The following ATP10B variants were observed in gnomAD, a reference collection of about 807,000 sequenced individuals.
ATP10B encodes the protein phospholipid-transporting ATPase VB.
ATP10B carries 122 observed loss-of-function variants against 141.2 expected under a neutral mutation model. That is an observed-to-expected ratio of 0.86 (90% CI 0.75 to 1.00). ATP10B has a LOEUF of 1.00. ATP10B is among the 50% of genes least tolerant of loss of function. ATP10B has a pLI of 0.00. For synonymous variants in ATP10B, 685 were observed against 692.0 expected, an observed-to-expected ratio of 0.99 and a Z score of 0.16; for missense variants, 1,876 against 1,825.3, an observed-to-expected ratio of 1.03 and a Z score of -0.51.
chr5:160,907,170 C>T, the ATP10B span, among the ~76,000 whole-genome samples: 5 of 152,142 alleles, frequency 3.3e-5, no homozygotes, highest in Admixed American at 2.0e-4. Context: ...CTTTTATAAT[C>T]TGGTTCTTCG....
Position 160,569,656 on chromosome 5 carries a change from C to G in ATP10B, c.3778G>C (p.Gly1260Arg). 1.3e-6 allele frequency: 2 copies of G among 1,591,962 alleles called. No individual in the cohort carries two copies. The highest frequency in any genetic ancestry group is 2.3e-5 in the East Asian group (1 of 43,740). ...WTIFHGVVLLGSFLMYFLVSL... is the reference protein window; with the variant it reads ...WTIFHGVVLLRSFLMYFLVSL... ...ACCAGAAAGTACATCAGGAAGCTGC[C>G]GAGGAGCACGACTCCGTGGAAAATG... Residue 1260 changes from glycine (G) to arginine (R), a missense_variant, in exon 25 of 26, where the codon GGC (glycine) becomes CGC (arginine). Coordinates refer to ENST00000327245, the MANE Select transcript of ATP10B (RefSeq NM_025153.3).
At chr5:160,853,597 G>A (rs997197964), upstream of ATP10B, among the ~76,000 whole-genome samples, 2 of 152,094 alleles carry the variant, frequency 1.3e-5, no homozygotes, top group Non-Finnish European at 2.9e-5. Context: ...TGCAATTTAG[G>A]AACAAATGTG....
intron 22 of ATP10B, among the ~76,000 whole-genome samples, chr5:160,593,139 C>T (rs1756437790): frequency 6.6e-6 from 1 of 152,270 alleles, no homozygotes; most frequent in Non-Finnish European, 1.5e-5. Context: ...CCCCTGACCC[C>T]TGAGCAGCCT....
intron 1 of ATP10B, among the ~76,000 whole-genome samples, chr5:160,819,013 TG>T (rs1441926810): frequency 6.6e-6 from 1 of 150,996 alleles, no homozygotes; most frequent in African/African-American, 2.4e-5. Context: ...GGGGTGGGAG[TG>T]GGGACGGATA....
At chr5:160,819,313 G>A (rs1463732622) in intron 1 of ATP10B, among the ~76,000 whole-genome samples, 6 of 152,014 alleles carry the variant, frequency 3.9e-5, no homozygotes, top group Non-Finnish European at 8.8e-5. Flanking sequence ...TTATCCTAGA[G>A]TAGTATATCT....
chr5:160,887,279 C>A, the ATP10B span, among the ~76,000 whole-genome samples: 9 of 152,104 alleles, frequency 5.9e-5, no homozygotes, highest in African/African-American at 2.2e-4. Context: ...TTAAAATCAT[C>A]TCTATATTAC....
the ATP10B span, among the ~76,000 whole-genome samples, chr5:160,897,202 G>A: frequency 3.3e-5 from 5 of 152,144 alleles, no homozygotes; most frequent in South Asian, 1.0e-3. Context: ...GGGCAATCAG[G>A]CATGAGAAAG....
the ATP10B span, among the ~76,000 whole-genome samples, chr5:160,906,857 T>C: frequency 7.2e-5 from 11 of 152,294 alleles, no homozygotes; most frequent in South Asian, 1.0e-3. Context: ...AAAGCATGGG[T>C]CCCTGAAGGC....
upstream of ATP10B, among the ~76,000 whole-genome samples, chr5:160,854,293 A>G (rs1753944239): frequency 6.6e-6 from 1 of 152,184 alleles, no homozygotes; most frequent in Non-Finnish European, 1.5e-5. Context: ...CGTCACCTAC[A>G]TTTGGCATTT....
chr5:160,749,138 A>G (rs1249998053), intron 2 of ATP10B, among the ~76,000 whole-genome samples: 1 of 152,228 alleles, frequency 6.6e-6, no homozygotes. Context: ...CGGAGAGAAC[A>G]TAAAGTACTA....
Position 160,751,707 on chromosome 5 carries a change from A to T in ATP10B, c.-331+33852T>A, listed in dbSNP as rs142187308. 1.1e-3 allele frequency among the ~76,000 whole-genome samples: 166 copies of T among 152,250 alleles called. No homozygotes were observed. In the East Asian group the frequency reaches 0.012, roughly 11 times the overall value. On this transcript the variant is annotated intron_variant, in intron 2 of 25. Transcript: ENST00000327245. ...ATTTCCTTGTCCACTCTGGAACTTC[A>T]TGAAAGCTTGGCAGGAGGAATTGTA...
intron 10 of ATP10B, 114 bp from the exon 11 acceptor site, chr5:160,636,423 CCTT>C: frequency 9.2e-7 from 1 of 1,087,104 alleles, no homozygotes; most frequent in Non-Finnish European, 1.3e-6. Flanking sequence ...GAGGACCCCT[CCTT>C]CTTCCATACA....
At chr5:160,660,061 A>G (rs1761806419) in intron 7 of ATP10B, among the ~76,000 whole-genome samples, 1 of 152,208 alleles carries the variant, frequency 6.6e-6, no homozygotes, top group Non-Finnish European at 1.5e-5. Flanking sequence ...GGTGTAATGC[A>G]GTGGATAAGG....
At chr5:160,863,786 T>C in the ATP10B span, among the ~76,000 whole-genome samples, 4 of 151,890 alleles carry the variant, frequency 2.6e-5, no homozygotes, top group Non-Finnish European at 4.4e-5. Flanking sequence ...ATCACAGAAA[T>C]ACAAAAGATC....
At chr5:160,655,659 A>G (rs901621361) in intron 7 of ATP10B, among the ~76,000 whole-genome samples, 7 of 152,150 alleles carry the variant, frequency 4.6e-5, no homozygotes, top group African/African-American at 1.7e-4. Context: ...GATTGATGGG[A>G]GTAAGACCCC....
At chr5:160,803,172 T>A (rs1334868764) in intron 1 of ATP10B, among the ~76,000 whole-genome samples, 1 of 152,212 alleles carries the variant, frequency 6.6e-6, no homozygotes, top group East Asian at 1.9e-4. Flanking sequence ...CTCAGTTTTT[T>A]TCCTTTTTGT....
At chr5:160,774,353 C>T (rs1770128920) in intron 2 of ATP10B, among the ~76,000 whole-genome samples, 1 of 152,160 alleles carries the variant, frequency 6.6e-6, no homozygotes, top group Non-Finnish European at 1.5e-5. Flanking sequence ...GCCGAAGAAC[C>T]AGGGATATCC....
the ATP10B span, among the ~76,000 whole-genome samples, chr5:160,893,059 G>A: frequency 6.6e-6 from 1 of 152,182 alleles, no homozygotes; most frequent in Non-Finnish European, 1.5e-5. Context: ...CACAGACCAG[G>A]AGATTCCCTC....
upstream of ATP10B, among the ~76,000 whole-genome samples, chr5:160,854,317 C>A (rs1434243893): frequency 3.9e-5 from 6 of 152,096 alleles, no homozygotes; most frequent in African/African-American, 1.4e-4. Context: ...CTAATGCTAT[C>A]CCTTCCCCTA....
Sources: gnomAD v4.1 joint callset for allele counts (sites outside exome capture counted in the v4.1 genomes callset) on GRCh38, gnomAD v4.1.1 for gene constraint, MANE v1.5 for transcripts, NCBI Gene and HGNC (gene_info 2026-07-23, HGNC 2026-07-21) for gene names.